ESRRG: variants seen among roughly 807,000 people sequenced by gnomAD.
ESRRG encodes the protein estrogen related receptor gamma, also known as estrogen-related receptor gamma.
ESRRG carries 13 observed loss-of-function variants against 44.0 expected under a neutral mutation model. The observed-to-expected ratio is 0.30, with a 90% CI of 0.19 to 0.47. ESRRG has a LOEUF of 0.47. Ranked by LOEUF, ESRRG falls within the 20% of genes least tolerant of loss-of-function variation. The pLI, the probability that ESRRG is intolerant of heterozygous loss-of-function variation, is 1.00. For missense variants in ESRRG, 395 were observed against 580.6 expected, an observed-to-expected ratio of 0.68 and a Z score of 3.29; for synonymous variants, 215 against 214.6, an observed-to-expected ratio of 1.00 and a Z score of -0.02.
At chr1:217,099,987 A>G (rs1297033718) in intron 1 of ESRRG, among the ~76,000 whole-genome samples, 1 of 93,220 alleles carries the variant, frequency 1.1e-5, no homozygotes, top group African/African-American at 4.5e-5. Context: ...TTTATCCAGA[A>G]AAAAAAAAAA....
At chr1:217,098,511 T>C (rs2092458442) in intron 1 of ESRRG, among the ~76,000 whole-genome samples, 1 of 152,174 alleles carries the variant, frequency 6.6e-6, no homozygotes, top group Non-Finnish European at 1.5e-5. Context: ...GAATCGATGC[T>C]CTTTTCCTGG....
chr1:217,080,920 G>A (rs1180575229), intron 1 of ESRRG, among the ~76,000 whole-genome samples: 3 of 151,734 alleles, frequency 2.0e-5, no homozygotes, highest in African/African-American at 7.3e-5. Flanking sequence ...CTCGTGATCC[G>A]CCCGCCTCGG....
At chr1:216,752,855 T>G (rs1013775662) in intron 2 of ESRRG, among the ~76,000 whole-genome samples, 1 of 152,136 alleles carries the variant, frequency 6.6e-6, no homozygotes, top group South Asian at 2.1e-4. Flanking sequence ...GGGCTTAGAA[T>G]AGTAACTACT....
At chr1:216,639,207 G>A (rs1227303545) in intron 3 of ESRRG, among the ~76,000 whole-genome samples, 1 of 152,110 alleles carries the variant, frequency 6.6e-6, no homozygotes, top group Admixed American at 6.6e-5. Flanking sequence ...ATTCAGTAGG[G>A]TTGTGAAGAA....
chr1:217,027,406 C>T (rs2081381676), intron 1 of ESRRG, among the ~76,000 whole-genome samples: 1 of 152,150 alleles, frequency 6.6e-6, no homozygotes, highest in African/African-American at 2.4e-5. Flanking sequence ...TTCTTCAGCC[C>T]TTACAAACCA....
At chr1:216,614,343 CT>C (rs397716385) in intron 3 of ESRRG, among the ~76,000 whole-genome samples, 6 of 149,876 alleles carry the variant, frequency 4.0e-5, no homozygotes, top group Admixed American at 6.6e-5. Context: ...TCCTCTTTCT[CT>C]TTTTTTTTTG....
chr1:216,812,672 A>G (rs1559732856), intron 2 of ESRRG, among the ~76,000 whole-genome samples: 1 of 152,140 alleles, frequency 6.6e-6, no homozygotes, highest in Non-Finnish European at 1.5e-5. Flanking sequence ...AATTTCTATG[A>G]TTTCCAGCTC....
At chr1:216,851,301 G>A (rs563974745) in intron 2 of ESRRG, among the ~76,000 whole-genome samples, 83 of 152,206 alleles carry the variant, frequency 5.5e-4, no homozygotes, top group African/African-American at 2.0e-3. Flanking sequence ...TGCATGTGCT[G>A]CTTTTCTTGT....
At chr1:217,121,829 T>C (rs937454922) in intron 1 of ESRRG, among the ~76,000 whole-genome samples, 2 of 152,170 alleles carry the variant, frequency 1.3e-5, no homozygotes, top group African/African-American at 4.8e-5. Flanking sequence ...CATCTAATAA[T>C]GTTTCAGCCA....
chr1:216,703,863 G>A (rs368638528), intron 1 of ESRRG, among the ~76,000 whole-genome samples: 1 of 151,882 alleles, frequency 6.6e-6, no homozygotes, highest in Non-Finnish European at 1.5e-5. Flanking sequence ...TTTTATTGAC[G>A]GCCCTTAAAT....
At chr1:216,762,561 GGGGGGA>G (rs2092843309) in intron 2 of ESRRG, among the ~76,000 whole-genome samples, 1 of 136,956 alleles carries the variant, frequency 7.3e-6, no homozygotes, top group Non-Finnish European at 1.6e-5. Context: ...GTTGTGGGGT[GGGGGGA>G]GTGGGGAGGG....
chr1:216,679,345 T>G (rs775580354), intron 1 of ESRRG, among the ~76,000 whole-genome samples: 25 of 150,072 alleles, frequency 1.7e-4, no homozygotes, highest in Non-Finnish European at 3.4e-4. Flanking sequence ...CTAAGCACTT[T>G]CCTCAAGTCA....
At chr1:216,741,266 TTTATA>T (rs575071150) in intron 2 of ESRRG, among the ~76,000 whole-genome samples, 55 of 137,874 alleles carry the variant, frequency 4.0e-4, no homozygotes, top group South Asian at 4.4e-4. Flanking sequence ...ATATTTATAA[TTTATA>T]TTATATAATT....
chr1:216,943,682 T>C (rs1397597637), intron 1 of ESRRG, among the ~76,000 whole-genome samples: 1 of 152,104 alleles, frequency 6.6e-6, no homozygotes, highest in African/African-American at 2.4e-5. Context: ...ATAGCAGAAG[T>C]AAAGATTTTT....
intron 1 of ESRRG, among the ~76,000 whole-genome samples, chr1:216,682,786 C>T (rs906875144): frequency 2.4e-4 from 36 of 148,382 alleles, no homozygotes; most frequent in African/African-American, 7.9e-4. Context: ...TTGCAGCTCC[C>T]GGAGGTACAG....
chr1:216,883,757 G>A (rs2096482183), intron 2 of ESRRG, among the ~76,000 whole-genome samples: 1 of 152,168 alleles, frequency 6.6e-6, no homozygotes, highest in Non-Finnish European at 1.5e-5. Context: ...ATGCCTGTAA[G>A]AGCAGTCAGT....
At chr1:217,102,136 T>A (rs1393147360) in intron 1 of ESRRG, among the ~76,000 whole-genome samples, 2 of 152,226 alleles carry the variant, frequency 1.3e-5, no homozygotes, top group Admixed American at 6.5e-5. Context: ...AATTACTACA[T>A]TCCAGATTTA....
At chr1:216,742,615 C>T (rs2090895015) in intron 2 of ESRRG, among the ~76,000 whole-genome samples, 1 of 151,738 alleles carries the variant, frequency 6.6e-6, no homozygotes, top group Non-Finnish European at 1.5e-5. Flanking sequence ...ACTAGATACT[C>T]AATAAATGAC....
At chr1:216,732,970 C>T (rs527256337) in intron 2 of ESRRG, among the ~76,000 whole-genome samples, 2 of 151,460 alleles carry the variant, frequency 1.3e-5, no homozygotes, top group Admixed American at 6.6e-5. Flanking sequence ...CCCAGCCATA[C>T]AACCACAGCA....
Sources: gnomAD v4.1 joint callset for allele counts (sites outside exome capture counted in the v4.1 genomes callset) on GRCh38, gnomAD v4.1.1 for gene constraint, MANE v1.5 for transcripts, NCBI Gene and HGNC (gene_info 2026-07-23, HGNC 2026-07-21) for gene names.